TRIM71: variants seen among roughly 807,000 people sequenced by gnomAD.
The protein encoded by TRIM71 is E3 ubiquitin-protein ligase TRIM71.
A neutral mutation model predicts 61.2 loss-of-function variants in TRIM71; 9 were observed. The observed-to-expected ratio is 0.15, with a 90% CI of 0.09 to 0.26. The LOEUF is 0.26. Among genes scored for constraint, TRIM71 ranks in the 10% least tolerant of loss-of-function variants. TRIM71 has a pLI of 1.00. For missense variants in TRIM71, 998 were observed against 1,238.7 expected, an observed-to-expected ratio of 0.81 and a Z score of 2.92; for synonymous variants, 645 against 553.2, an observed-to-expected ratio of 1.17 and a Z score of -2.33.
At position 32,894,191 on chromosome 3, in the gene TRIM71, CAA is replaced by C. The variant is rs1462214669; in HGVS notation, c.*2382_*2383del. ...GCCCAACAAGCCACCCTTTAAACAC[CAA>C]AGACAACTGGTTTTAAATGCTTGAA... is the stretch of plus-strand genomic sequence containing the variant. On this transcript the variant is annotated 3_prime_UTR_variant, in exon 4 of 4. Coordinates refer to ENST00000383763, the MANE Select transcript of TRIM71 (RefSeq NM_001039111.3). The C allele has an allele frequency of 1.3e-5, 2 of 151,864 alleles. No homozygotes were observed. The highest frequency in any genetic ancestry group is 3.9e-4 in the East Asian group (2 of 5,186). 9.4% of individuals were successfully genotyped at this position (151,864 alleles called of 1,614,324 possible).
intron 2 of TRIM71, among the ~76,000 whole-genome samples, chr3:32,875,627 C>T (rs1696845586): frequency 6.6e-6 from 1 of 152,052 alleles, no homozygotes; most frequent in Non-Finnish European, 1.5e-5. Flanking sequence ...ATCACTTGAG[C>T]TCAAGAGTTT....
Position 32,822,733 on chromosome 3 carries a change from A to C in TRIM71, c.852+3801A>C, listed in dbSNP as rs116456722. Among the ~76,000 whole-genome samples the C allele has an allele frequency of 6.3e-3, 952 of 152,304 alleles. 5 individuals carry two copies. Among genetic ancestry groups the C allele is most frequent in the South Asian group, 0.016 (77 of 4,830 alleles). On this transcript the variant is annotated intron_variant, in intron 1 of 3. Coordinates refer to ENST00000383763, the MANE Select transcript of TRIM71 (RefSeq NM_001039111.3). Reference sequence around the variant, plus strand: ...TTAAAAGCATAATACAAATTTTCCCACTTACACTGCATGTCGAAGTAATTC... The same window carrying C: ...TTAAAAGCATAATACAAATTTTCCCCCTTACACTGCATGTCGAAGTAATTC...
intron 1 of TRIM71, among the ~76,000 whole-genome samples, chr3:32,822,086 A>G (rs1490539347): frequency 1.3e-5 from 2 of 152,142 alleles, no homozygotes; most frequent in African/African-American, 4.8e-5. Flanking sequence ...CGACACCGGC[A>G]GCAGAAATGC....
At chr3:32,878,401 G>A (rs1387876275) in intron 2 of TRIM71, among the ~76,000 whole-genome samples, 1 of 152,180 alleles carries the variant, frequency 6.6e-6, no homozygotes, top group African/African-American at 2.4e-5. Context: ...CCTGGGATGA[G>A]GAGTTTGAGA....
intron 2 of TRIM71, 126 bp from the exon 3 acceptor site, chr3:32,885,808 G>A: frequency 6.0e-6 from 8 of 1,325,146 alleles, no homozygotes; most frequent in Non-Finnish European, 7.1e-6. Context: ...TTCCAAGGGA[G>A]TGAATCAAGT....
At position 32,848,363 on chromosome 3, in the gene TRIM71, A is replaced by G. The variant is rs925700139; in HGVS notation, c.853-25455A>G. ...GGAATCCTGCCAAGGGAGTTTTGCA[A>G]GGTCTGGCCCATAAACTCTTATCTT... On this transcript the variant is annotated intron_variant, in intron 1 of 3. Transcript: ENST00000383763. Among the ~76,000 whole-genome samples, 7 of 152,138 alleles carry G rather than the reference A, an allele frequency of 4.6e-5. 1 individual carries two copies. The highest frequency in any genetic ancestry group is 4.6e-4 in the Admixed American group (7 of 15,270).
Position 32,890,981 on chromosome 3 carries a change from G to A in TRIM71, c.1777G>A (p.Gly593Ser), listed in dbSNP as rs771625560. Residue 593 changes from glycine to serine, a missense_variant, in exon 4 of 4, where the codon GGC (glycine) becomes AGC (serine). Around this residue, in one of 5 missense-constraint regions of TRIM71, gnomAD observed 291 missense variants for 431.2 expected, o/e 0.67. Transcript: ENST00000383763. The surrounding 1 kb of genome is among the most constrained non-coding windows in gnomAD (Gnocchi z 6.2). ...GRSYVGIGLP[G>S]LSFGSEGDSD... ...CAGCTACGTGGGCATTGGGCTCCCG[G>A]GCCTGAGCTTCGGCAGTGAGGGTGA... 67 of 1,614,060 alleles carry A rather than the reference G, an allele frequency of 4.2e-5. No homozygotes were observed. Among genetic ancestry groups the A allele is most frequent in the Non-Finnish European group, 5.5e-5 (65 of 1,180,050 alleles).
intron 1 of TRIM71, among the ~76,000 whole-genome samples, chr3:32,853,644 T>C (rs1696564323): frequency 1.3e-5 from 2 of 152,022 alleles, no homozygotes; most frequent in African/African-American, 2.4e-5. Flanking sequence ...TGAGGAGAAA[T>C]GGAAGTTAAA....
At chr3:32,819,898 A>G (rs1316265928) in intron 1 of TRIM71, among the ~76,000 whole-genome samples, 1 of 152,220 alleles carries the variant, frequency 6.6e-6, no homozygotes, top group East Asian at 1.9e-4. Flanking sequence ...TTAGGGCTAC[A>G]TTGCAACCCT....
intron 1 of TRIM71, among the ~76,000 whole-genome samples, chr3:32,839,684 C>A (rs1696381289): frequency 2.0e-5 from 3 of 150,080 alleles, no homozygotes; most frequent in Non-Finnish European, 3.0e-5. Flanking sequence ...GGGGTGGGGT[C>A]CCTTATCGCT....
In TRIM71 at chr3:32,896,870, C is replaced by T. The variant is rs900499284; in HGVS notation, c.*5059C>T. 1 of 152,196 alleles carries T rather than the reference C, an allele frequency of 6.6e-6. No individual in the cohort carries two copies. The highest frequency in any genetic ancestry group is 2.4e-5 in the African/African-American group (1 of 41,450). The allele number at this position is 152,196 out of a possible 1,614,324, so 9.4% of individuals were successfully genotyped here. A position where few individuals can be genotyped will look rare whatever the true frequency, so the allele number is the denominator to read the frequency against. ...GTTTACTTTCTTTAAATAACCAGCT[C>T]TGTAACTCTGTAAGTTCTTTGTGTT... On this transcript the variant is annotated 3_prime_UTR_variant, in exon 4 of 4. Transcript: ENST00000383763.
At position 32,891,582 on chromosome 3, in the gene TRIM71, A is replaced by G; in HGVS notation, c.2378A>G (p.Gln793Arg). 6.2e-7 allele frequency: 1 copy of G among 1,613,840 alleles called. No individual in the cohort carries two copies. Among genetic ancestry groups the G allele is most frequent in the Non-Finnish European group, 8.5e-7 (1 of 1,179,850 alleles). ...FLGSEGTGNG[Q>R]FLRPQGVAVD... ...GGCTCGGAGGGCACAGGCAATGGGC[A>G]GTTCCTGCGCCCACAAGGGGTAGCT... Residue 793 changes from glutamine to arginine, a missense_variant, in exon 4 of 4, where the codon CAG (glutamine) becomes CGG (arginine). Physicochemically the swap from Gln to Arg is conservative, Grantham distance 43. Transcript: ENST00000383763. The surrounding 1 kb of genome is among the most constrained non-coding windows in gnomAD (Gnocchi z 8.2).
chr3:32,877,512 C>T (rs1164083597), intron 2 of TRIM71, among the ~76,000 whole-genome samples: 1 of 151,966 alleles, frequency 6.6e-6, no homozygotes. Context: ...TGCTCCACCA[C>T]ACCCAGCTAA....
intron 1 of TRIM71, among the ~76,000 whole-genome samples, chr3:32,826,384 G>T (rs1696201533): frequency 6.6e-6 from 1 of 152,088 alleles, no homozygotes; most frequent in Non-Finnish European, 1.5e-5. Context: ...GTTGCAGTGG[G>T]CCAGGATCAT....
intron 2 of TRIM71, among the ~76,000 whole-genome samples, chr3:32,875,159 A>T (rs1021588967): frequency 2.6e-5 from 4 of 152,170 alleles, no homozygotes; most frequent in Non-Finnish European, 4.4e-5. Context: ...ATACAGATTT[A>T]CTTATTTATA....
In TRIM71 at chr3:32,891,740, G is replaced by A. The variant is rs1206088653; in HGVS notation, c.2536G>A (p.Gly846Ser). 3.7e-6 allele frequency: 6 copies of A among 1,613,974 alleles called. No individual in the cohort carries two copies. The highest frequency in any genetic ancestry group is 1.3e-5 in the African/African-American group (1 of 74,910). ...CTTTGGGCAGATGGACCGCCCTTCC[G>A]GCATCGCCATCACCCCCGACGGAAT... The part of the protein sequence containing the change: ...SGFGQMDRPS[G>S]IAITPDGMIV... The change falls in exon 4 of 4, where the codon GGC (glycine) becomes AGC (serine). Residue 846 changes from glycine (G) to serine (S), a missense_variant. Around this residue, in one of 5 missense-constraint regions of TRIM71, gnomAD observed 95 missense variants for 159.0 expected, o/e 0.60. Coordinates refer to ENST00000383763, the MANE Select transcript of TRIM71 (RefSeq NM_001039111.3). The surrounding 1 kb of genome is among the most constrained non-coding windows in gnomAD (Gnocchi z 8.2).
intron 1 of TRIM71, among the ~76,000 whole-genome samples, chr3:32,829,421 G>C (rs1196745853): frequency 6.6e-6 from 1 of 151,852 alleles, no homozygotes; most frequent in Non-Finnish European, 1.5e-5. Context: ...AACCTCAGGT[G>C]ATCTGCCTGT....
At chr3:32,852,777 AAAAC>A (rs1196298511) in intron 1 of TRIM71, among the ~76,000 whole-genome samples, 30 of 152,092 alleles carry the variant, frequency 2.0e-4, no homozygotes, top group African/African-American at 5.8e-4. Flanking sequence ...AAAAAAAACA[AAAAC>A]AAACTTTATC....
At chr3:32,842,854 C>G (rs558556461) in intron 1 of TRIM71, among the ~76,000 whole-genome samples, 1 of 152,310 alleles carries the variant, frequency 6.6e-6, no homozygotes, top group African/African-American at 2.4e-5. Context: ...TTAATCCCCA[C>G]TTCCTTCCCT....
Sources: allele counts gnomAD v4.1 joint callset (sites outside exome capture counted in the v4.1 genomes callset), GRCh38; gene constraint gnomAD v4.1.1; regional missense constraint gnomAD v4.1.1; non-coding constraint Gnocchi (gnomAD v3.1); transcripts MANE v1.5; gene names NCBI Gene and HGNC (gene_info 2026-07-23, HGNC 2026-07-21).